Variants in BPIFB2 observed in about 807,000 individuals in gnomAD.
The protein encoded by BPIFB2 is BPI fold containing family B member 2.
Under a neutral mutation model 50.1 loss-of-function variants are expected in BPIFB2, and 39 were observed. The observed-to-expected ratio is 0.78, with a 90% CI of 0.60 to 1.02. The LOEUF is 1.02. BPIFB2 is among the 50% of genes least tolerant of loss of function. The pLI is 0.00. For synonymous variants in BPIFB2, 280 were observed against 256.3 expected (o/e 1.09, Z -0.88); for missense variants, 574 against 585.8 (o/e 0.98, Z 0.21).
At chr20:33,008,793 A>G (rs1306719442) in intron 2 of BPIFB2, 110 bp downstream of exon 2, 7 of 916,312 alleles carry the variant, frequency 7.6e-6, no homozygotes, top group African/African-American at 3.4e-5. Flanking sequence ...CCCAGATTTT[A>G]ATTGGAAGTT....
intron 11 of BPIFB2, 125 bp from the exon 12 acceptor site, chr20:33,020,203 G>A (rs1426723908): frequency 1.1e-6 from 1 of 891,228 alleles, no homozygotes; most frequent in Non-Finnish European, 1.8e-6. Flanking sequence ...GTGGGGCCTG[G>A]CACATAGCAG....
At position 33,009,476 on chromosome 20, in the gene BPIFB2, A is replaced by T. The variant is rs541725572; in HGVS notation, c.109+793A>T. 6.6e-6 allele frequency among the ~76,000 whole-genome samples: 1 copy of T among 152,348 alleles called. No homozygotes were observed. Among genetic ancestry groups the T allele is most frequent in the South Asian group, 2.1e-4 (1 of 4,832 alleles). ...AGCGGTTTCCCCCAAGGCCAAACTC[A>T]GATTACAGTGTGAGAAAGTCAGGTC... On this transcript the variant is annotated intron_variant, in intron 2 of 15. Transcript: ENST00000170150. The surrounding 1 kb of genome is among the most constrained non-coding windows in gnomAD (Gnocchi z 4.2).
At chr20:33,015,676 T>C (rs1978399982) in intron 6 of BPIFB2, among the ~76,000 whole-genome samples, 180 bp downstream of exon 6, 2 of 147,292 alleles carry the variant, frequency 1.4e-5, no homozygotes, top group Admixed American at 6.7e-5. Context: ...AGGGGAGTGA[T>C]GGGGAGGCAC....
intron 3 of BPIFB2, among the ~76,000 whole-genome samples, chr20:33,011,441 G>C (rs150518998): frequency 1.3e-5 from 2 of 152,202 alleles, no homozygotes; most frequent in Non-Finnish European, 2.9e-5. Context: ...AGGACCCTCT[G>C]TTTCTAGAAA....
intron 5 of BPIFB2, among the ~76,000 whole-genome samples, chr20:33,014,635 G>C (rs2146351407): frequency 6.6e-6 from 1 of 152,366 alleles, no homozygotes; most frequent in East Asian, 1.9e-4. Flanking sequence ...GACGATGTCT[G>C]CACCTTCCCA....
chr20:33,020,556 C>T lies in BPIFB2; in HGVS notation c.1163C>T (p.Thr388Met), dbSNP rs199499619. 39 of 1,608,946 alleles carry T rather than the reference C, an allele frequency of 2.4e-5. No homozygotes were observed. The East Asian group carries it at 4.5e-4, about 18-fold the overall frequency. The stretch of plus-strand genomic sequence containing the variant: ...TTCTCTTTCAGGGATGTCCAGCTCA[C>T]GGTGGCCTCCTCCAACGTGGGCTTC... ...TTSVLGDVQL[T>M]VASSNVGFID... is the part of the protein sequence containing the mutation. Residue 388 changes from threonine (T) to methionine (M), a missense_variant, in exon 13 of 16, where the codon ACG (threonine) becomes ATG (methionine). Transcript: ENST00000170150.
chr20:33,014,068 G>C (rs1416889350), intron 5 of BPIFB2, 112 bp downstream of exon 5: 19 of 1,378,100 alleles, frequency 1.4e-5, no homozygotes, highest in African/African-American at 2.9e-5. Context: ...GGCCTCAGGG[G>C]CCCCCATTAT....
At chr20:33,008,776 A>T in intron 2 of BPIFB2, 93 bp downstream of exon 2, 5 of 1,060,566 alleles carry the variant, frequency 4.7e-6, no homozygotes, top group Non-Finnish European at 6.6e-6. Flanking sequence ...CAAAAGGCCC[A>T]TGAGGACCCA....
intron 1 of BPIFB2, 118 bp from the exon 2 acceptor site, chr20:33,008,423 C>T (rs1293437153): frequency 3.5e-6 from 2 of 577,498 alleles, no homozygotes; most frequent in Non-Finnish European, 6.0e-6. Flanking sequence ...TGTCTGTGGG[C>T]CTGGGGCAGG....
At position 33,012,831 on chromosome 20, in the gene BPIFB2, C is replaced by T. The variant is rs375320227; in HGVS notation, c.232C>T (p.Arg78Cys). The T allele has an allele frequency of 6.3e-5, 102 of 1,613,924 alleles. No individual in the cohort carries two copies. Among genetic ancestry groups the T allele is most frequent in the Middle Eastern group, 1.6e-4 (1 of 6,084 alleles). Residue 78 changes from arginine to cysteine, a missense_variant, in exon 4 of 16, where the codon CGC (arginine) becomes TGC (cysteine). Coordinates refer to ENST00000170150, the MANE Select transcript of BPIFB2 (RefSeq NM_025227.3). ...CCGGATTCTGAATGTCCATGTGCCC[C>T]GCCTCCACCTGAAATTCATTGCTGG... ...RIRILNVHVPRLHLKFIAGFG... is the reference protein window; with the variant it reads ...RIRILNVHVPCLHLKFIAGFG...
chr20:33,021,900 C>A, intron 15 of BPIFB2, 101 bp downstream of exon 15: 1 of 1,191,288 alleles, frequency 8.4e-7, no homozygotes, highest in Non-Finnish European at 1.2e-6. Context: ...CTGCCAAAAC[C>A]ATGCCATGAA....
At chr20:33,018,018 A>G (rs1289394251) in intron 7 of BPIFB2, among the ~76,000 whole-genome samples, 4 of 152,196 alleles carry the variant, frequency 2.6e-5, no homozygotes, top group Non-Finnish European at 5.9e-5. Context: ...AGCAGAAAGC[A>G]TACCTGTTAG....
In BPIFB2 at chr20:33,021,965, G is replaced by A. The variant is rs1018716314; in HGVS notation, c.1335+166G>A. Among the ~76,000 whole-genome samples, 7 of 152,180 alleles carry A rather than the reference G, an allele frequency of 4.6e-5. No homozygotes were observed. The East Asian group carries it at 1.2e-3, about 25-fold the overall frequency. On this transcript the variant is annotated intron_variant, in intron 15 of 15. Coordinates refer to ENST00000170150, the MANE Select transcript of BPIFB2 (RefSeq NM_025227.3). Reference sequence around the variant, plus strand: ...GGATGCCAAGAGATGCTGGGTCAAAGGTTTCACCCTTCCTTTAGTCCTCAT... The same window carrying A: ...GGATGCCAAGAGATGCTGGGTCAAAAGTTTCACCCTTCCTTTAGTCCTCAT...
chr20:33,019,782 C>A (rs1448011358), intron 11 of BPIFB2, 32 bp downstream of exon 11: 1 of 1,552,906 alleles, frequency 6.4e-7, no homozygotes, highest in Admixed American at 1.8e-5. Flanking sequence ...GGAAGGCAGG[C>A]AACTGTCACA....
intron 3 of BPIFB2, among the ~76,000 whole-genome samples, 176 bp downstream of exon 3, chr20:33,011,293 G>A (rs967688742): frequency 6.6e-6 from 1 of 152,230 alleles, no homozygotes; most frequent in East Asian, 1.9e-4. Flanking sequence ...GAAGGTGAGT[G>A]CTCCCTCCCA....
rs1456693775 is a variant in BPIFB2 at position 33,018,825 on chromosome 20, G to A, written c.855+3G>A. ...ACCTGGACATCACAGGGCAGCTGGTGAGGGCCCGACCTGCAGCCCAGGGCC... is the reference window on the plus strand; with the variant it reads ...ACCTGGACATCACAGGGCAGCTGGTAAGGGCCCGACCTGCAGCCCAGGGCC... On this transcript the variant is annotated splice_donor_region_variant and intron_variant, in intron 9 of 15. Coordinates refer to ENST00000170150, the MANE Select transcript of BPIFB2 (RefSeq NM_025227.3). 2 of 1,609,590 alleles carry A rather than the reference G, an allele frequency of 1.2e-6. No individual in the cohort carries two copies. Among genetic ancestry groups the A allele is most frequent in the Admixed American group, 3.3e-5 (2 of 59,774 alleles).
In BPIFB2 at chr20:33,017,025, T is replaced by G; in HGVS notation, c.517-17T>G. 1 of 1,613,482 alleles carries G rather than the reference T, an allele frequency of 6.2e-7. No homozygotes were observed. Among genetic ancestry groups the G allele is most frequent in the Non-Finnish European group, 8.5e-7 (1 of 1,179,524 alleles). The stretch of plus-strand genomic sequence containing the variant: ...GGCTGCCCTAACCCCAGCCTCCTTC[T>G]CTCTGTCTTACCACAGCTGTGCCTG... On this transcript the variant is annotated splice_polypyrimidine_tract_variant and intron_variant, in intron 6 of 15. Coordinates refer to ENST00000170150, the MANE Select transcript of BPIFB2 (RefSeq NM_025227.3).
intron 7 of BPIFB2, among the ~76,000 whole-genome samples, chr20:33,017,399 T>C (rs1055861717): frequency 2.0e-5 from 3 of 152,246 alleles, no homozygotes; most frequent in African/African-American, 2.4e-5. Context: ...CCAAGGACCA[T>C]TGACACTTAG....
At chr20:33,015,837 G>T (rs1020985343) in intron 6 of BPIFB2, among the ~76,000 whole-genome samples, 3 of 152,102 alleles carry the variant, frequency 2.0e-5, no homozygotes, top group African/African-American at 7.2e-5. Flanking sequence ...GAGGGTGTGG[G>T]CATGGGGCCA....
Sources: allele counts gnomAD v4.1 joint callset (sites outside exome capture counted in the v4.1 genomes callset), GRCh38; gene constraint gnomAD v4.1.1; non-coding constraint Gnocchi (gnomAD v3.1); transcripts MANE v1.5; gene names NCBI Gene and HGNC (gene_info 2026-07-23, HGNC 2026-07-21).